TRHDE: variants seen among roughly 807,000 people sequenced by gnomAD.
TRHDE encodes the protein thyrotropin releasing hormone degrading enzyme.
Under a neutral mutation model 125.7 loss-of-function variants are expected in TRHDE, and 72 were observed. The ratio of observed to expected loss-of-function variants is 0.57; its 90% CI spans 0.47 to 0.70. TRHDE has a LOEUF of 0.70. Among genes scored for constraint, TRHDE ranks in the 30% least tolerant of loss-of-function variants. TRHDE has a pLI of 0.00. For synonymous variants in TRHDE, 509 were observed against 509.1 expected (o/e 1.00, Z 0.00); for missense variants, 1,110 against 1,327.1 (o/e 0.84, Z 2.54).
At chr12:72,192,692 C>T (rs1252285487) in intron 2 of TRHDE, among the ~76,000 whole-genome samples, 1 of 152,010 alleles carries the variant, frequency 6.6e-6, no homozygotes, top group Non-Finnish European at 1.5e-5. Flanking sequence ...TTTTAAAAAT[C>T]TCCTAACCTT....
intron 2 of TRHDE, among the ~76,000 whole-genome samples, chr12:72,183,000 T>C (rs2139342697): frequency 6.6e-6 from 1 of 152,162 alleles, no homozygotes; most frequent in South Asian, 2.1e-4. Flanking sequence ...GGAGGGGAGA[T>C]ATCAAACAGT....
chr12:72,621,249 T>G, intron 14 of TRHDE, 44 bp downstream of exon 14: 1 of 1,245,192 alleles, frequency 8.0e-7, no homozygotes, highest in Non-Finnish European at 1.2e-6. Context: ...CCTAGAGCTG[T>G]ATAATAATGT....
intron 2 of TRHDE, among the ~76,000 whole-genome samples, chr12:72,218,523 T>TG (rs1031809806): frequency 1.3e-4 from 20 of 152,120 alleles, no homozygotes; most frequent in African/African-American, 4.8e-4. Context: ...ACTAACTGGG[T>TG]GGTTCAGGAC....
intron 6 of TRHDE, among the ~76,000 whole-genome samples, chr12:72,522,521 A>C (rs1164679417): frequency 1.8e-4 from 27 of 152,232 alleles, no homozygotes; most frequent in Admixed American, 1.8e-3. Flanking sequence ...TAATTGCTTC[A>C]GATTACTAAC....
At chr12:72,531,592 G>T (rs1367326074) in intron 6 of TRHDE, among the ~76,000 whole-genome samples, 1 of 151,524 alleles carries the variant, frequency 6.6e-6, no homozygotes, top group Admixed American at 6.6e-5. Flanking sequence ...TTAAAGTTTT[G>T]CATTGTATAT....
At position 72,210,225 on chromosome 12, in the gene TRHDE, C is replaced by G. The variant is rs928500165; in HGVS notation, n.279+104473C>G. On this transcript the variant is annotated intron_variant and non_coding_transcript_variant, in intron 2 of 4. Transcript: ENST00000548156. ...ATCTATCTACTTTCTGATAAAGTAG[C>G]ATATCTATCTTTTGGGTGTGTGTAC... 2.1e-5 allele frequency among the ~76,000 whole-genome samples: 3 copies of G among 145,520 alleles called. No individual in the cohort carries two copies. In the South Asian group the frequency reaches 6.6e-4, roughly 32 times the overall value.
At chr12:72,195,212 C>A (rs558116978) in intron 2 of TRHDE, among the ~76,000 whole-genome samples, 6 of 152,218 alleles carry the variant, frequency 3.9e-5, no homozygotes, top group African/African-American at 1.4e-4. Context: ...CATCCCACGA[C>A]ACGCGGGGAT....
rs1284149787 is a variant in TRHDE at position 72,580,791 on chromosome 12, G to C, written c.2321+5249G>C. 2.6e-5 allele frequency among the ~76,000 whole-genome samples: 4 copies of C among 152,096 alleles called. No homozygotes were observed. In the East Asian group the frequency reaches 7.7e-4, roughly 29 times the overall value. On this transcript the variant is annotated intron_variant, in intron 12 of 18. Transcript: ENST00000261180. Reference sequence around the variant, plus strand: ...TGTTTCGATAAAGCATGGTTATATTGGGGGATATAAAAGTGAACAAGATGC... The same window carrying C: ...TGTTTCGATAAAGCATGGTTATATTCGGGGATATAAAAGTGAACAAGATGC...
chr12:72,624,733 G>T (rs562129728), intron 15 of TRHDE, among the ~76,000 whole-genome samples: 18 of 152,000 alleles, frequency 1.2e-4, no homozygotes, highest in Middle Eastern at 6.8e-3. Context: ...GAATTGCAAT[G>T]GTGATGTCAT....
intron 6 of TRHDE, among the ~76,000 whole-genome samples, chr12:72,533,305 G>A (rs1429794554): frequency 6.6e-6 from 1 of 152,044 alleles, no homozygotes; most frequent in African/African-American, 2.4e-5. Context: ...CTCCAGAGTA[G>A]CTGGAACTAC....
At chr12:72,413,407 A>G (rs1305743103) in intron 3 of TRHDE, among the ~76,000 whole-genome samples, 1 of 151,780 alleles carries the variant, frequency 6.6e-6, no homozygotes, top group African/African-American at 2.4e-5. Flanking sequence ...GATTTCTAAG[A>G]TTCAGTATGA....
chr12:72,615,813 G>A (rs1216207129), intron 12 of TRHDE, among the ~76,000 whole-genome samples: 1 of 152,132 alleles, frequency 6.6e-6, no homozygotes, highest in Non-Finnish European at 1.5e-5. Context: ...GAGTGTGTGT[G>A]AGAATTGACA....
At chr12:72,264,964 G>A (rs1280750972) in intron 2 of TRHDE, among the ~76,000 whole-genome samples, 2 of 150,914 alleles carry the variant, frequency 1.3e-5, no homozygotes, top group Non-Finnish European at 3.0e-5. Flanking sequence ...CAAGCAGCTG[G>A]TTATTTTCAA....
intron 2 of TRHDE, among the ~76,000 whole-genome samples, chr12:72,217,655 T>A (rs535858621): frequency 4.3e-4 from 65 of 152,152 alleles, no homozygotes; most frequent in Non-Finnish European, 8.5e-4. Context: ...TGCATATACA[T>A]TTAAAGCAGC....
intron 6 of TRHDE, among the ~76,000 whole-genome samples, chr12:72,532,719 A>C (rs1405405950): frequency 6.6e-6 from 1 of 150,848 alleles, no homozygotes; most frequent in Non-Finnish European, 1.5e-5. Flanking sequence ...AACAATTATT[A>C]AATTTCTGGA....
chr12:72,287,570 A>G (rs1189821796), intron 2 of TRHDE, among the ~76,000 whole-genome samples: 1 of 139,062 alleles, frequency 7.2e-6, no homozygotes, highest in Non-Finnish European at 1.5e-5. Flanking sequence ...TTTCATATCT[A>G]TGTATAGACA....
At position 72,162,747 on chromosome 12, in the gene TRHDE, T is replaced by G. The variant is rs374419198; in HGVS notation, n.279+56995T>G. Among the ~76,000 whole-genome samples the G allele has an allele frequency of 3.3e-5, 5 of 152,278 alleles. No individual in the cohort carries two copies. The East Asian group carries it at 9.7e-4, about 29-fold the overall frequency. ...TAGAACATAAAAAATAGGACTTTATTGTATGTACAGGCTATTATGGCACTG... is the reference window on the plus strand; with the variant it reads ...TAGAACATAAAAAATAGGACTTTATGGTATGTACAGGCTATTATGGCACTG... On this transcript the variant is annotated intron_variant and non_coding_transcript_variant, in intron 2 of 4. Coordinates refer to the TRHDE transcript ENST00000548156.
chr12:72,490,552 A>G (rs1324900842), intron 5 of TRHDE, among the ~76,000 whole-genome samples: 1 of 151,698 alleles, frequency 6.6e-6, no homozygotes, highest in African/African-American at 2.4e-5. Context: ...CACAATAGCC[A>G]AGATATTGAA....
At chr12:72,519,060 C>T (rs1392746310) in intron 6 of TRHDE, among the ~76,000 whole-genome samples, 4 of 152,068 alleles carry the variant, frequency 2.6e-5, no homozygotes, top group African/African-American at 7.3e-5. Flanking sequence ...CCAACCTTTC[C>T]CTCTGGCTGC....
Sources: allele counts gnomAD v4.1 joint callset (sites outside exome capture counted in the v4.1 genomes callset), GRCh38; gene constraint gnomAD v4.1.1; transcripts MANE v1.5; gene names NCBI Gene and HGNC (gene_info 2026-07-23, HGNC 2026-07-21).